TRIM38: variants seen among roughly 807,000 people sequenced by gnomAD.
TRIM38 encodes the protein tripartite motif containing 38, also known as E3 ubiquitin-protein ligase TRIM38.
In TRIM38, 35 loss-of-function variants were observed where a neutral mutation model predicts 35.8. The observed-to-expected ratio is 0.98, with a 90% CI of 0.75 to 1.30. The LOEUF is 1.30. TRIM38 is among the 50% of genes most tolerant of loss of function. The pLI is 0.00. For synonymous variants in TRIM38, 198 were observed against 204.7 expected (o/e 0.97, Z 0.28); for missense variants, 545 against 556.9 (o/e 0.98, Z 0.21).
At chr6:25,975,930 G>A (rs1163697751) in intron 7 of TRIM38, among the ~76,000 whole-genome samples, 2 of 152,056 alleles carry the variant, frequency 1.3e-5, no homozygotes, top group Admixed American at 1.3e-4. Context: ...CCCCAAACTG[G>A]GATTGCCGAG....
rs772024879 is a variant in TRIM38 at position 25,971,888 on chromosome 6, G to A, written c.527G>A (p.Arg176Lys). Residue 176 changes from arginine (R) to lysine (K), a missense_variant, in exon 5 of 8, where the codon AGA (arginine) becomes AAA (lysine). By Grantham distance (26) the Arg-to-Lys change is conservative. Transcript: ENST00000357085. ...TKWKEKVQIQ[R>K]QKIRSDFKNL... ...CTCCAGGAGAAGGTACAGATTCAGA[G>A]ACAAAAAATCCGGTCTGACTTTAAG... 4.3e-6 allele frequency: 7 copies of A among 1,613,996 alleles called. No individual in the cohort carries two copies. Among genetic ancestry groups the A allele is most frequent in the Admixed American group, 1.7e-5 (1 of 59,998 alleles).
chr6:25,975,220 A>T, intron 7 of TRIM38: 8 of 833,366 alleles, frequency 9.6e-6, no homozygotes, highest in Non-Finnish European at 1.2e-5. Context: ...CTTTTTTCAA[A>T]TTTTTTTTTG....
chr6:25,969,403 C>G lies in TRIM38; in HGVS notation c.490C>G (p.Arg164Gly), dbSNP rs76757832. The change falls in exon 4 of 8, where the codon CGA becomes GGA. Residue 164 changes from arginine (R) to glycine (G), a missense_variant. Physicochemically the swap from Arg to Gly is moderately radical, Grantham distance 125. Transcript: ENST00000357085. ...CTEQKLSTAM[R>G]ITKWKEKVQI... is the part of the protein sequence containing the mutation. ...GGAGCAGAAGCTGTCCACAGCAATGCGAATAACTAAATGGAAAGTAAGAAT... is the reference window on the plus strand; with the variant it reads ...GGAGCAGAAGCTGTCCACAGCAATGGGAATAACTAAATGGAAAGTAAGAAT... 49 of 1,607,538 alleles carry G rather than the reference C, an allele frequency of 3.0e-5. No individual in the cohort carries two copies. The highest frequency in any genetic ancestry group is 1.6e-4 in the Middle Eastern group (1 of 6,066).
rs1297273288 is a variant in TRIM38 at position 25,989,759 on chromosome 6, T to C, written c.*6072T>C. The C allele has an allele frequency of 6.6e-6, 1 of 152,064 alleles. No individual in the cohort carries two copies. The highest frequency in any genetic ancestry group is 6.5e-5 in the Admixed American group (1 of 15,276). The allele number at this position is 152,064 out of a possible 1,614,324, so 9.4% of individuals were successfully genotyped here. ...TCTAACAAAATCTTCATAACTGAAA[T>C]AATTTCTCTTTATCACCTCTTCTTA... On this transcript the variant is annotated 3_prime_UTR_variant, in exon 8 of 8. Coordinates refer to ENST00000357085, the MANE Select transcript of TRIM38 (RefSeq NM_006355.5).
intron 7 of TRIM38, 94 bp from the exon 8 acceptor site, chr6:25,983,069 AC>A (rs749830659): frequency 2.8e-4 from 357 of 1,274,368 alleles, no homozygotes; most frequent in Middle Eastern, 8.9e-4. Flanking sequence ...AGCCTGGGTG[AC>A]AGCAACACTC....
intron 3 of TRIM38, 88 bp downstream of exon 3, chr6:25,967,021 T>C: frequency 7.3e-7 from 1 of 1,367,934 alleles, no homozygotes; most frequent in South Asian, 1.5e-5. Context: ...AAACCTAACA[T>C]TATGACTTGG....
At chr6:25,978,945 G>A (rs192814295) in intron 7 of TRIM38, among the ~76,000 whole-genome samples, 1 of 152,150 alleles carries the variant, frequency 6.6e-6, no homozygotes, top group African/African-American at 2.4e-5. Flanking sequence ...TGGGATTACA[G>A]GCATGAGTCA....
Position 25,987,676 on chromosome 6 carries a change from A to G in TRIM38, c.*3989A>G, listed in dbSNP as rs527693949. 1 of 152,346 alleles carries G rather than the reference A, an allele frequency of 6.6e-6. No individual in the cohort carries two copies. Among genetic ancestry groups the G allele is most frequent in the South Asian group, 2.1e-4 (1 of 4,830 alleles). 9.4% of individuals were successfully genotyped at this position (152,346 alleles called of 1,614,324 possible). Reference sequence around the variant, plus strand: ...CACAGTAGTACATTTATTACAATTGAACTTACATTGACACGTCATTATCAA... The same window carrying G: ...CACAGTAGTACATTTATTACAATTGGACTTACATTGACACGTCATTATCAA... On this transcript the variant is annotated 3_prime_UTR_variant, in exon 8 of 8. Transcript: ENST00000357085.
At chr6:25,972,874 T>A (rs1456923543) in intron 5 of TRIM38, among the ~76,000 whole-genome samples, 180 bp from the exon 6 acceptor site, 1 of 152,218 alleles carries the variant, frequency 6.6e-6, no homozygotes, top group African/African-American at 2.4e-5. Flanking sequence ...CATCTGGGTA[T>A]CCATCAATAC....
chr6:25,988,638 C>T lies in TRIM38; in HGVS notation c.*4951C>T, dbSNP rs1326799530. The T allele has an allele frequency of 6.6e-6, 1 of 151,720 alleles. No individual in the cohort carries two copies. The highest frequency in any genetic ancestry group is 1.5e-5 in the Non-Finnish European group (1 of 67,998). 9.4% of individuals were successfully genotyped at this position (151,720 alleles called of 1,614,324 possible). A position where few individuals can be genotyped will look rare whatever the true frequency, so the allele number is the denominator to read the frequency against. ...CCTCCCGAGTAGCTGGGATTACAGG[C>T]TCACGCCACTATGCCCGGCTAATTG... On this transcript the variant is annotated 3_prime_UTR_variant, in exon 8 of 8. Transcript: ENST00000357085.
At chr6:25,978,381 A>G (rs1760456319) in intron 7 of TRIM38, among the ~76,000 whole-genome samples, 1 of 152,192 alleles carries the variant, frequency 6.6e-6, no homozygotes, top group African/African-American at 2.4e-5. Context: ...GATAGAGGAT[A>G]CTATGTCTAT....
At chr6:25,965,697 G>A (rs778969884) in intron 2 of TRIM38, among the ~76,000 whole-genome samples, 1 of 133,196 alleles carries the variant, frequency 7.5e-6, no homozygotes, top group East Asian at 2.3e-4. Context: ...AGGCTGAGGC[G>A]GGTGGATCAC....
chr6:25,981,423 T>G, intron 7 of TRIM38, among the ~76,000 whole-genome samples: 1 of 152,264 alleles, frequency 6.6e-6, no homozygotes, highest in East Asian at 1.9e-4. Context: ...ATACTTGAAT[T>G]CCTTAATTGT....
chr6:25,973,363 T>G, intron 7 of TRIM38, 78 bp downstream of exon 7: 1 of 1,556,174 alleles, frequency 6.4e-7, no homozygotes. Context: ...ACCTGTCCCT[T>G]GGCAGGCTCA....
At position 25,966,815 on chromosome 6, in the gene TRIM38, A is replaced by G. The variant is rs1371720255; in HGVS notation, c.293A>G (p.Glu98Gly). The G allele has an allele frequency of 6.2e-7, 1 of 1,614,172 alleles. No individual in the cohort carries two copies. Among genetic ancestry groups the G allele is most frequent in the Non-Finnish European group, 8.5e-7 (1 of 1,180,032 alleles). The change falls in exon 3 of 8, where the codon GAG becomes GGG. Residue 98 changes from glutamate (E) to glycine (G), a missense_variant. Transcript: ENST00000357085. ...DQEMSCEEHG[E>G]QFHLFCEDEG... Reference sequence around the variant, plus strand: ...GAAATGTCATGTGAGGAACACGGAGAGCAGTTCCACCTGTTCTGCGAAGAC... The same window carrying G: ...GAAATGTCATGTGAGGAACACGGAGGGCAGTTCCACCTGTTCTGCGAAGAC...
intron 5 of TRIM38, 104 bp from the exon 6 acceptor site, chr6:25,972,950 T>A: frequency 6.9e-7 from 1 of 1,447,122 alleles, no homozygotes. Flanking sequence ...CTAGGGTAAC[T>A]CTCTTTACTT....
At chr6:25,970,696 CCTT>C (rs1309804527) in intron 4 of TRIM38, among the ~76,000 whole-genome samples, 12 of 152,180 alleles carry the variant, frequency 7.9e-5, no homozygotes, top group African/African-American at 2.6e-4. Context: ...AGTCAAAGAC[CCTT>C]CTTCTATATC....
At chr6:25,973,951 T>C in intron 7 of TRIM38, 1 of 857,438 alleles carries the variant, frequency 1.2e-6, no homozygotes, top group Non-Finnish European at 1.4e-6. Context: ...TGGAAAGTTT[T>C]ATCATGATTC....
At chr6:25,979,751 A>G (rs547799452) in intron 7 of TRIM38, among the ~76,000 whole-genome samples, 4 of 150,856 alleles carry the variant, frequency 2.7e-5, no homozygotes, top group South Asian at 2.1e-4. Flanking sequence ...TTGGCTTTCT[A>G]TGTTCTTTTT....
Sources: gnomAD v4.1 joint callset for allele counts (sites outside exome capture counted in the v4.1 genomes callset) on GRCh38, gnomAD v4.1.1 for gene constraint, MANE v1.5 for transcripts, NCBI Gene and HGNC (gene_info 2026-07-23, HGNC 2026-07-21) for gene names.